IL20RA: variants seen among roughly 807,000 people sequenced by gnomAD.
IL20RA encodes the protein interleukin 20 receptor subunit alpha, also known as interleukin-20 receptor subunit alpha.
In IL20RA, 29 loss-of-function variants were observed where a neutral mutation model predicts 36.5. The ratio of observed to expected loss-of-function variants is 0.79; its 90% CI spans 0.59 to 1.08. The LOEUF is 1.08. Ranked by LOEUF, IL20RA falls within the 50% of genes least tolerant of loss-of-function variation. The probability of loss-of-function intolerance (pLI) is 0.00; values close to 1 mark genes in which losing one functional copy is unlikely to be tolerated. For missense variants in IL20RA, 652 were observed against 668.4 expected, an observed-to-expected ratio of 0.98 and a Z score of 0.27; for synonymous variants, 279 against 267.1, an observed-to-expected ratio of 1.04 and a Z score of -0.43.
intron 1 of IL20RA, among the ~76,000 whole-genome samples, chr6:137,038,580 G>A (rs1776572814): frequency 6.6e-6 from 1 of 152,022 alleles, no homozygotes; most frequent in South Asian, 2.1e-4. Flanking sequence ...CAAATTTTGT[G>A]TTATGTCATA....
intron 6 of IL20RA, among the ~76,000 whole-genome samples, chr6:137,004,378 G>C (rs1401641502): frequency 6.6e-6 from 1 of 151,960 alleles, no homozygotes; most frequent in Admixed American, 6.6e-5. Flanking sequence ...GTTTCACACT[G>C]TTGGCCAGGC....
intron 2 of IL20RA, among the ~76,000 whole-genome samples, chr6:137,014,485 A>G (rs934110600): frequency 2.6e-5 from 4 of 152,182 alleles, no homozygotes; most frequent in Non-Finnish European, 5.9e-5. Context: ...ATGTGCCTTG[A>G]ACTTTGATAG....
chr6:137,025,623 G>C (rs1222011790), intron 1 of IL20RA, among the ~76,000 whole-genome samples: 1 of 152,200 alleles, frequency 6.6e-6, no homozygotes, highest in Non-Finnish European at 1.5e-5. Context: ...GGATTAATAA[G>C]ATAGATCTAA....
intron 1 of IL20RA, among the ~76,000 whole-genome samples, chr6:137,032,562 T>C (rs1003157426): frequency 5.9e-5 from 9 of 152,230 alleles, no homozygotes; most frequent in Non-Finnish European, 1.0e-4. Flanking sequence ...TCACTTTCTG[T>C]TTCGGTGGAA....
Position 137,001,584 on chromosome 6 carries a change from C to T in IL20RA, c.1636G>A (p.Gly546Arg). Residue 546 changes from glycine (G) to arginine (R), a missense_variant, in exon 7 of 7, where the codon GGG becomes AGG. Transcript: ENST00000316649. ...TYLMQFMEEWGLYVQMEN is the reference protein window; with the variant it reads ...TYLMQFMEEWRLYVQMEN ...CAGTTTTCCATCTGCACATATAACCCCCATTCCTCCATGAATTGCATGAGA... is the reference window on the plus strand; with the variant it reads ...CAGTTTTCCATCTGCACATATAACCTCCATTCCTCCATGAATTGCATGAGA... 6.3e-7 allele frequency: 1 copy of T among 1,582,606 alleles called. No individual in the cohort carries two copies. The highest frequency in any genetic ancestry group is 8.6e-7 in the Non-Finnish European group (1 of 1,163,326).
chr6:137,035,901 T>C (rs1191667705), intron 1 of IL20RA, among the ~76,000 whole-genome samples: 4 of 152,198 alleles, frequency 2.6e-5, no homozygotes, highest in Admixed American at 2.6e-4. Context: ...TGGAAGACTA[T>C]GGGTAGTTAC....
intron 1 of IL20RA, among the ~76,000 whole-genome samples, chr6:137,035,617 C>T (rs1000789117): frequency 3.3e-5 from 5 of 152,036 alleles, no homozygotes; most frequent in South Asian, 2.1e-4. Flanking sequence ...AAAAATCACT[C>T]GAAGGATTAT....
At chr6:137,006,422 C>A (rs1475465508) in intron 5 of IL20RA, among the ~76,000 whole-genome samples, 4 of 152,204 alleles carry the variant, frequency 2.6e-5, no homozygotes, top group Non-Finnish European at 4.4e-5. Flanking sequence ...TTAATACAAT[C>A]CCTGGTCCCT....
At position 137,010,588 on chromosome 6, in the gene IL20RA, C is replaced by G. The variant is rs190930119; in HGVS notation, c.403+686G>C. Among the ~76,000 whole-genome samples, 475 of 152,254 alleles carry G rather than the reference C, an allele frequency of 3.1e-3. 1 individual carries two copies. Among genetic ancestry groups the G allele is most frequent in the African/African-American group, 0.011 (440 of 41,564 alleles). On this transcript the variant is annotated intron_variant, in intron 3 of 6. Coordinates refer to ENST00000316649, the MANE Select transcript of IL20RA (RefSeq NM_014432.4). Reference sequence around the variant, plus strand: ...CACTTGCAGAGCTCATTATGGCAGCCCTGAGTGGGTCCTTCATGACTGAGT... The same window carrying G: ...CACTTGCAGAGCTCATTATGGCAGCGCTGAGTGGGTCCTTCATGACTGAGT...
intron 4 of IL20RA, chr6:137,009,083 T>A: frequency 1.7e-6 from 1 of 595,040 alleles, no homozygotes; most frequent in South Asian, 2.2e-5. Context: ...AAGTGTACAA[T>A]CTCTCTACAC....
intron 1 of IL20RA, among the ~76,000 whole-genome samples, chr6:137,034,675 T>C (rs1453321824): frequency 6.6e-6 from 1 of 152,110 alleles, no homozygotes. Flanking sequence ...GTGCGGTGGC[T>C]CACGCCTGTA....
intron 1 of IL20RA, among the ~76,000 whole-genome samples, chr6:137,020,604 A>G (rs1190071501): frequency 3.3e-5 from 5 of 152,290 alleles, no homozygotes; most frequent in Non-Finnish European, 7.4e-5. Context: ...AAAAATTAAA[A>G]ACTACCCGAG....
At chr6:137,009,104 A>C in intron 4 of IL20RA, 2 of 610,062 alleles carry the variant, frequency 3.3e-6, no homozygotes, top group South Asian at 2.0e-5. Context: ...TCCAATAACA[A>C]CACCATATCC....
At position 137,034,802 on chromosome 6, in the gene IL20RA, G is replaced by A. The variant is rs570247759; in HGVS notation, c.88+9839C>T. ...AAAAATATAAAAAAAAAAATGAGCC[G>A]GGCGTGGTGGCGGGCGCCTGTAGTC... On this transcript the variant is annotated intron_variant, in intron 1 of 6. Transcript: ENST00000316649. Among the ~76,000 whole-genome samples the A allele has an allele frequency of 2.4e-4, 37 of 152,150 alleles. No homozygotes were observed. In the South Asian group the frequency reaches 5.4e-3, roughly 22 times the overall value.
At chr6:137,036,928 G>A (rs571158108) in intron 1 of IL20RA, among the ~76,000 whole-genome samples, 59 of 152,210 alleles carry the variant, frequency 3.9e-4, no homozygotes, top group African/African-American at 1.4e-3. Flanking sequence ...CTGATGTTGA[G>A]CAAAAAAACC....
chr6:137,004,290 C>G (rs559363480), intron 6 of IL20RA, among the ~76,000 whole-genome samples: 43 of 151,356 alleles, frequency 2.8e-4, no homozygotes, highest in Non-Finnish European at 5.6e-4. Flanking sequence ...ACTCTCCTGT[C>G]TCAGCCTCCC....
At chr6:137,024,113 C>T (rs1348073593) in intron 1 of IL20RA, among the ~76,000 whole-genome samples, 1 of 151,848 alleles carries the variant, frequency 6.6e-6, no homozygotes, top group Non-Finnish European at 1.5e-5. Context: ...CAAAACAAAA[C>T]AAAACAAGAG....
chr6:137,012,788 A>G (rs983586103), intron 2 of IL20RA, among the ~76,000 whole-genome samples: 1 of 152,214 alleles, frequency 6.6e-6, no homozygotes, highest in African/African-American at 2.4e-5. Flanking sequence ...GAGAAAGAGG[A>G]TATGTCCATG....
At chr6:137,007,045 A>C (rs1775307418) in intron 5 of IL20RA, among the ~76,000 whole-genome samples, 1 of 152,162 alleles carries the variant, frequency 6.6e-6, no homozygotes, top group South Asian at 2.1e-4. Flanking sequence ...ATTAGTGAGA[A>C]AGTGGGCTTC....
Sources: allele counts gnomAD v4.1 joint callset (sites outside exome capture counted in the v4.1 genomes callset), GRCh38; gene constraint gnomAD v4.1.1; transcripts MANE v1.5; gene names NCBI Gene and HGNC (gene_info 2026-07-23, HGNC 2026-07-21).